The following CNTN1 variants were observed in gnomAD, a reference collection of about 807,000 sequenced individuals.
The protein encoded by CNTN1 is contactin 1, also known as contactin-1.
In CNTN1, 38 loss-of-function variants were observed where a neutral mutation model predicts 126.4. The ratio of observed to expected loss-of-function variants is 0.30; its 90% CI spans 0.23 to 0.39. CNTN1 has a LOEUF of 0.39. Among genes scored for constraint, CNTN1 ranks in the 10% least tolerant of loss-of-function variants. The pLI is 1.00. For synonymous variants in CNTN1, 413 were observed against 422.6 expected (o/e 0.98, Z 0.28); for missense variants, 1,009 against 1,248.4 (o/e 0.81, Z 2.89).
At chr12:40,698,516 G>A (rs892958991) in intron 1 of CNTN1, among the ~76,000 whole-genome samples, 9 of 151,914 alleles carry the variant, frequency 5.9e-5, no homozygotes, top group Admixed American at 1.3e-4. Flanking sequence ...GATTACAGGC[G>A]TGAGCCACCA....
At chr12:40,945,811 G>A (rs1324742619) in intron 14 of CNTN1, among the ~76,000 whole-genome samples, 1 of 151,740 alleles carries the variant, frequency 6.6e-6, no homozygotes, top group African/African-American at 2.4e-5. Flanking sequence ...AAAAGACCTT[G>A]TGGCCACTTA....
At chr12:40,968,749 T>C (rs1054363856) in intron 15 of CNTN1, among the ~76,000 whole-genome samples, 5 of 152,134 alleles carry the variant, frequency 3.3e-5, no homozygotes, top group African/African-American at 4.8e-5. Context: ...AAAAAATATA[T>C]TTTCAACTAT....
chr12:40,998,070 G>GA lies in CNTN1; in HGVS notation c.2113+4810dup, dbSNP rs1218297258. 9.3e-5 allele frequency among the ~76,000 whole-genome samples: 14 copies of GA among 149,772 alleles called. No individual in the cohort carries two copies. In the South Asian group the frequency reaches 1.1e-3, roughly 11 times the overall value. Reference sequence around the variant, plus strand: ...CTATTGGAAGTTAATTGAGGATGATGAAAAAAAAAGGAGTGATCAAGGCAA... The same window carrying GA: ...CTATTGGAAGTTAATTGAGGATGATGAAAAAAAAAAGGAGTGATCAAGGCAA... On this transcript the variant is annotated intron_variant, in intron 17 of 23. Coordinates refer to ENST00000551295, the MANE Select transcript of CNTN1 (RefSeq NM_001843.4).
At chr12:40,997,541 T>G (rs1282859263) in intron 17 of CNTN1, among the ~76,000 whole-genome samples, 1 of 152,202 alleles carries the variant, frequency 6.6e-6, no homozygotes, top group Non-Finnish European at 1.5e-5. Context: ...AGGTACTATG[T>G]GATGTTAGTT....
intron 1 of CNTN1, among the ~76,000 whole-genome samples, chr12:40,845,991 G>C (rs1280522760): frequency 2.6e-5 from 4 of 152,196 alleles, no homozygotes; most frequent in African/African-American, 7.2e-5. Flanking sequence ...GAATTACATA[G>C]TGACTTTCGA....
chr12:40,975,948 A>G (rs538747005), intron 15 of CNTN1, among the ~76,000 whole-genome samples: 1 of 152,342 alleles, frequency 6.6e-6, no homozygotes, highest in Admixed American at 6.5e-5. Flanking sequence ...TAGTAGGGAT[A>G]TGATATATGA....
chr12:41,068,971 A>G (rs1267687675), intron 23 of CNTN1, among the ~76,000 whole-genome samples: 1 of 152,196 alleles, frequency 6.6e-6, no homozygotes, highest in African/African-American at 2.4e-5. Context: ...AGCCTGAGCA[A>G]TAGAACAAGA....
chr12:40,943,037 G>A (rs1365473269), intron 12 of CNTN1, among the ~76,000 whole-genome samples: 1 of 152,126 alleles, frequency 6.6e-6, no homozygotes, highest in Non-Finnish European at 1.5e-5. Flanking sequence ...ATAAAACTTA[G>A]TGAGTTTTTA....
chr12:41,007,359 C>T (rs1247725465), intron 17 of CNTN1, among the ~76,000 whole-genome samples: 1 of 152,050 alleles, frequency 6.6e-6, no homozygotes, highest in Non-Finnish European at 1.5e-5. Context: ...CGCGCCCGGC[C>T]AGTTTTGTGT....
At chr12:40,715,178 G>A (rs539693986) in intron 1 of CNTN1, among the ~76,000 whole-genome samples, 3 of 152,122 alleles carry the variant, frequency 2.0e-5, no homozygotes, top group East Asian at 1.9e-4. Context: ...CCCCGCTATC[G>A]AAAAGTCTAA....
At position 40,904,195 on chromosome 12, in the gene CNTN1, T is replaced by C. The variant is rs1019760168; in HGVS notation, c.-76-4162T>C. Among the ~76,000 whole-genome samples, 4 of 151,758 alleles carry C rather than the reference T, an allele frequency of 2.6e-5. No individual in the cohort carries two copies. In the East Asian group the frequency reaches 7.8e-4, roughly 30 times the overall value. ...CACCACGCACAGCTAATTTTTTGTA[T>C]TTTTAGTAGAGATGGGGTTTCACTG... On this transcript the variant is annotated intron_variant, in intron 1 of 23. Coordinates refer to ENST00000551295, the MANE Select transcript of CNTN1 (RefSeq NM_001843.4).
chr12:40,707,720 G>C (rs1439813964), intron 1 of CNTN1, among the ~76,000 whole-genome samples: 1 of 151,978 alleles, frequency 6.6e-6, no homozygotes, highest in Non-Finnish European at 1.5e-5. Flanking sequence ...TGACTGATTT[G>C]TCTCTAAAGG....
rs555550786 is a variant in CNTN1, at chr12:40,706,531, G to A, written c.-77+13939G>A. On this transcript the variant is annotated intron_variant, in intron 1 of 23. Coordinates refer to ENST00000551295, the MANE Select transcript of CNTN1 (RefSeq NM_001843.4). The stretch of plus-strand genomic sequence containing the variant: ...ACTAGATTGTAAGAGTGGAGAATAT[G>A]TCTTTTCAATTTTTATTTTGAATCT... Among the ~76,000 whole-genome samples, 79 of 152,142 alleles carry A rather than the reference G, an allele frequency of 5.2e-4. 2 individuals are homozygous for A. In the South Asian group the frequency reaches 0.016, roughly 30 times the overall value.
intron 1 of CNTN1, among the ~76,000 whole-genome samples, chr12:40,842,026 T>G (rs972326246): frequency 1.3e-5 from 2 of 151,970 alleles, no homozygotes; most frequent in Non-Finnish European, 2.9e-5. Flanking sequence ...TAAAAAGATA[T>G]TTTTAATTAG....
chr12:40,947,776 TATATATACACACACACACACACACACAC>T (rs1946485219), intron 14 of CNTN1, among the ~76,000 whole-genome samples: 1 of 89,620 alleles, frequency 1.1e-5, no homozygotes, highest in African/African-American at 5.8e-5. Context: ...TATATATATA[TATATATACACACACACACACACACACAC>T]ACACACACAC....
intron 23 of CNTN1, among the ~76,000 whole-genome samples, chr12:41,046,908 T>C (rs1204321826): frequency 6.7e-6 from 1 of 149,854 alleles, no homozygotes; most frequent in Non-Finnish European, 1.5e-5. Flanking sequence ...CTGCCTTGAA[T>C]GTCAGCTCAG....
chr12:40,866,962 A>G (rs533856067), intron 1 of CNTN1, among the ~76,000 whole-genome samples: 1 of 152,260 alleles, frequency 6.6e-6, no homozygotes, highest in South Asian at 2.1e-4. Context: ...CCTAAAAGTT[A>G]CATACATCAC....
chr12:41,053,206 C>T (rs983893577), intron 23 of CNTN1, among the ~76,000 whole-genome samples: 18 of 150,940 alleles, frequency 1.2e-4, no homozygotes, highest in Non-Finnish European at 2.2e-4. Flanking sequence ...CAAGTGCTTT[C>T]GTGACATTAT....
chr12:40,990,776 CT>C (rs1948078866), intron 16 of CNTN1, among the ~76,000 whole-genome samples: 2 of 152,182 alleles, frequency 1.3e-5, no homozygotes, highest in Admixed American at 1.3e-4. Flanking sequence ...TCCCAGCTTC[CT>C]GGAAAAGCCC....
Sources: gnomAD v4.1 joint callset for allele counts (sites outside exome capture counted in the v4.1 genomes callset) on GRCh38, gnomAD v4.1.1 for gene constraint, MANE v1.5 for transcripts, NCBI Gene and HGNC (gene_info 2026-07-23, HGNC 2026-07-21) for gene names.